PSME3: variants seen among roughly 807,000 people sequenced by gnomAD.
PSME3 encodes the protein proteasome activator complex subunit 3.
In PSME3, 7 loss-of-function variants were observed where a neutral mutation model predicts 38.3. That is an observed-to-expected ratio of 0.18 (90% confidence interval 0.10 to 0.34). The LOEUF (loss-of-function observed/expected upper bound fraction) is 0.34. Ranked by LOEUF, PSME3 falls within the 10% of genes least tolerant of loss-of-function variation. The probability of loss-of-function intolerance (pLI) is 1.00; values close to 1 mark genes in which losing one functional copy is unlikely to be tolerated. For missense variants in PSME3, 192 were observed against 307.6 expected, an observed-to-expected ratio of 0.62 and a Z score of 2.81; for synonymous variants, 108 against 105.7, an observed-to-expected ratio of 1.02 and a Z score of -0.13.
At chr17:42,833,930 G>A in intron 1 of PSME3, 1 of 1,440,834 alleles carries the variant, frequency 6.9e-7, no homozygotes, top group Non-Finnish European at 9.1e-7. Flanking sequence ...CTTTAGGCCC[G>A]TGACAGCTGG....
intron 6 of PSME3, 167 bp from the exon 7 acceptor site, chr17:42,838,564 C>T (rs549671894): frequency 1.9e-4 from 140 of 721,296 alleles, no homozygotes; most frequent in Non-Finnish European, 2.8e-4. Flanking sequence ...GTGATCCACC[C>T]GCTTCGGGGT....
rs1597958063 is a variant in PSME3, at chr17:42,842,077, G to A, written c.*499G>A. The A allele has an allele frequency of 6.5e-6, 1 of 152,868 alleles. No individual in the cohort carries two copies. 9.5% of individuals were successfully genotyped at this position (152,868 alleles called of 1,614,324 possible). ...CATTGGATCCTCCCACAGTTGCCCT[G>A]GTGATGACTTAGGGCTTCCCATCTG... is the stretch of plus-strand genomic sequence containing the variant. On this transcript the variant is annotated 3_prime_UTR_variant, in exon 11 of 11. Coordinates refer to ENST00000590720, the MANE Select transcript of PSME3 (RefSeq NM_005789.4).
Position 42,842,763 on chromosome 17 carries a change from G to A in PSME3, c.*1185G>A, listed in dbSNP as rs2055550342. 6.5e-6 allele frequency: 1 copy of A among 152,764 alleles called. No individual in the cohort carries two copies. The highest frequency in any genetic ancestry group is 2.4e-5 in the African/African-American group (1 of 41,432). The allele number at this position is 152,764 out of a possible 1,614,324, so 9.5% of individuals were successfully genotyped here. A position where few individuals can be genotyped will look rare whatever the true frequency, so the allele number is the denominator to read the frequency against. On this transcript the variant is annotated 3_prime_UTR_variant, in exon 11 of 11. Coordinates refer to ENST00000590720, the MANE Select transcript of PSME3 (RefSeq NM_005789.4). ...TGCCTCCTGTCTCTCGAATCTTCCAGAGATATCACTTAATTGTTAACAGCT... is the reference window on the plus strand; with the variant it reads ...TGCCTCCTGTCTCTCGAATCTTCCAAAGATATCACTTAATTGTTAACAGCT...
Position 42,838,958 on chromosome 17 carries a change from C to T in PSME3, c.488C>T (p.Ala163Val). 1 of 1,614,080 alleles carries T rather than the reference C, an allele frequency of 6.2e-7. No individual in the cohort carries two copies. ...TGTTTGTTTTAGGAGGAAACAGTTG[C>T]AGAGCTAAGAACTGTTGAGAGTGAA... Reference protein sequence around the residue: ...FGVSIQEETVAELRTVESEAA... With the variant: ...FGVSIQEETVVELRTVESEAA... The change falls in exon 8 of 11, where the codon GCA becomes GTA. Residue 163 changes from alanine (A) to valine (V), a missense_variant. Ala to Val is a moderately conservative substitution (Grantham distance 64). Coordinates refer to ENST00000590720, the MANE Select transcript of PSME3 (RefSeq NM_005789.4).
chr17:42,838,273 A>G (rs532805002), intron 6 of PSME3, 68 bp downstream of exon 6: 1 of 1,598,160 alleles, frequency 6.3e-7, no homozygotes, highest in South Asian at 1.1e-5. Context: ...AAAACAGTGG[A>G]TGTACGGGTG....
chr17:42,833,763 C>T (rs1182948544), intron 1 of PSME3, 90 bp downstream of exon 1: 4 of 1,611,342 alleles, frequency 2.5e-6, no homozygotes, highest in African/African-American at 2.7e-5. Flanking sequence ...CTTTGTCTCC[C>T]TGGGGATACC....
chr17:42,838,184 G>A lies in PSME3; in HGVS notation c.384G>A (p.Leu128=). The A allele has an allele frequency of 6.2e-7, 1 of 1,614,082 alleles. No individual in the cohort carries two copies. The highest frequency in any genetic ancestry group is 1.1e-5 in the South Asian group (1 of 91,074). ...IIEKVKPEIR[L]LIEKCNTVKM... ...AGAAAGTGAAACCTGAGATCCGGCT[G>A]TTGATTGAGAAATGTAACACGGTGA... Residue 128 remains leucine, a synonymous_variant, in exon 6 of 11, where the codon CTG becomes CTA. Coordinates refer to ENST00000590720, the MANE Select transcript of PSME3 (RefSeq NM_005789.4).
chr17:42,838,273 A>C, intron 6 of PSME3, 68 bp downstream of exon 6: 1 of 1,598,160 alleles, frequency 6.3e-7, no homozygotes, highest in Non-Finnish European at 8.5e-7. Context: ...AAAACAGTGG[A>C]TGTACGGGTG....
chr17:42,836,734 G>A (rs1459844746), intron 4 of PSME3, among the ~76,000 whole-genome samples: 8 of 151,728 alleles, frequency 5.3e-5, no homozygotes, highest in Non-Finnish European at 1.2e-4. Flanking sequence ...GCTAGTTTTT[G>A]TATTTTTTGT....
chr17:42,834,753 TG>T lies in PSME3; in HGVS notation c.139-15del, dbSNP rs545675135. On this transcript the variant is annotated intron_variant, in intron 3 of 10. Transcript: ENST00000590720. ...GTTCAGCTTGAAAAGATTAATGTTT[TG>T]GGGTGGGTGTCTTTCAGGAACCAAT... is the stretch of plus-strand genomic sequence containing the variant. The T allele has an allele frequency of 1.2e-3, 1,965 of 1,613,604 alleles. 5 individuals are homozygous for T. The highest frequency in any genetic ancestry group is 1.8e-3 in the Middle Eastern group (11 of 6,060).
intron 1 of PSME3, chr17:42,833,895 C>T: frequency 2.1e-6 from 3 of 1,456,698 alleles, no homozygotes; most frequent in Non-Finnish European, 2.7e-6. Context: ...GGGGACACCT[C>T]CGCGGACACG....
intron 1 of PSME3, 144 bp downstream of exon 1, chr17:42,833,817 G>T: frequency 6.4e-7 from 1 of 1,570,964 alleles, no homozygotes; most frequent in Non-Finnish European, 8.6e-7. Context: ...CCAACTCCCG[G>T]GGTCGGCTTC....
intron 1 of PSME3, chr17:42,834,036 C>T (rs1402287023): frequency 2.1e-6 from 3 of 1,439,560 alleles, no homozygotes; most frequent in South Asian, 1.5e-5. Flanking sequence ...GGGGTTGGCA[C>T]GTTTGTGAGC....
At chr17:42,834,486 A>C in intron 2 of PSME3, 29 bp from the exon 3 acceptor site, 1 of 1,607,518 alleles carries the variant, frequency 6.2e-7, no homozygotes, top group Non-Finnish European at 8.5e-7. Context: ...CACAGATATT[A>C]ATTCAGCTGT....
chr17:42,835,816 G>C (rs1458706899), intron 4 of PSME3, among the ~76,000 whole-genome samples: 1 of 151,958 alleles, frequency 6.6e-6, no homozygotes, highest in Non-Finnish European at 1.5e-5. Context: ...TGCATGTCTT[G>C]AGTAGTGTTA....
At position 42,833,453 on chromosome 17, in the gene PSME3, A is replaced by C. The variant is rs879596236; in HGVS notation, c.-179A>C. On this transcript the variant is annotated 5_prime_UTR_variant, in exon 1 of 11. Coordinates refer to ENST00000590720, the MANE Select transcript of PSME3 (RefSeq NM_005789.4). Reference sequence around the variant, plus strand: ...AGGGCGAGCGAGAGAGCAAGCAGGCAGCAGGCTGCCGGCGGGCGGGCGGAC... The same window carrying C: ...AGGGCGAGCGAGAGAGCAAGCAGGCCGCAGGCTGCCGGCGGGCGGGCGGAC... 2.9e-6 allele frequency: 2 copies of C among 686,000 alleles called. No homozygotes were observed. The highest frequency in any genetic ancestry group is 4.9e-6 in the Non-Finnish European group (2 of 406,000). 42.5% of individuals were successfully genotyped at this position (686,000 alleles called of 1,614,324 possible).
intron 1 of PSME3, 48 bp from the exon 2 acceptor site, chr17:42,834,296 T>A (rs750572912): frequency 3.1e-6 from 5 of 1,613,520 alleles, no homozygotes; most frequent in Non-Finnish European, 8.5e-7. Context: ...TCCATCCTGC[T>A]CTTACCTCTG....
Position 42,834,506 on chromosome 17 carries a change from C to G in PSME3, c.76-9C>G, listed in dbSNP as rs779850529. ...ATATTAATTCAGCTGTATTTTCCCTCTTCCTTAGGCAGAAGACTTGGTGGC... is the reference window on the plus strand; with the variant it reads ...ATATTAATTCAGCTGTATTTTCCCTGTTCCTTAGGCAGAAGACTTGGTGGC... On this transcript the variant is annotated splice_polypyrimidine_tract_variant and intron_variant, in intron 2 of 10. Coordinates refer to ENST00000590720, the MANE Select transcript of PSME3 (RefSeq NM_005789.4). The G allele has an allele frequency of 1.9e-6, 3 of 1,612,938 alleles. No homozygotes were observed. Among genetic ancestry groups the G allele is most frequent in the African/African-American group, 2.7e-5 (2 of 74,806 alleles).
chr17:42,833,886 G>GGGACACCTCCGC, intron 1 of PSME3: 1 of 1,463,344 alleles, frequency 6.8e-7, no homozygotes, highest in Non-Finnish European at 9.0e-7. Flanking sequence ...GAGAGTCCCG[G>GGGACACCTCCGC]GGACACCTCC....
Sources: gnomAD v4.1 joint callset for allele counts (sites outside exome capture counted in the v4.1 genomes callset) on GRCh38, gnomAD v4.1.1 for gene constraint, MANE v1.5 for transcripts, NCBI Gene and HGNC (gene_info 2026-07-23, HGNC 2026-07-21) for gene names.